The following TRMT11 variants were observed in gnomAD, a reference collection of about 807,000 sequenced individuals.
TRMT11 encodes tRNA methyltransferase 11, also known as tRNA (guanine(10)-N(2))-methyltransferase TRMT11.
TRMT11 carries 53 observed loss-of-function variants against 62.8 expected under a neutral mutation model. The ratio of observed to expected loss-of-function variants is 0.84; its 90% CI spans 0.68 to 1.06. The LOEUF is 1.06. Ranked by LOEUF, TRMT11 falls within the 50% of genes least tolerant of loss-of-function variation. The pLI is 0.00. For synonymous variants in TRMT11, 188 were observed against 190.3 expected (o/e 0.99, Z 0.10); for missense variants, 556 against 553.4 (o/e 1.00, Z -0.05).
the TRMT11 span, among the ~76,000 whole-genome samples, chr6:126,252,426 T>C: frequency 1.3e-5 from 2 of 152,180 alleles, no homozygotes; most frequent in African/African-American, 4.8e-5. Context: ...GTTCTCTGAG[T>C]CCAAAGTGGA....
Position 126,150,394 on chromosome 6 carries a change from A to C in TRMT11, c.*1824-24431A>C, listed in dbSNP as rs564219079. Among the ~76,000 whole-genome samples the C allele has an allele frequency of 3.3e-5, 5 of 152,342 alleles. No homozygotes were observed. The South Asian group carries it at 1.0e-3, about 32-fold the overall frequency. On this transcript the variant is annotated intron_variant and NMD_transcript_variant, in intron 21 of 22. Coordinates refer to the TRMT11 transcript ENST00000648977. ...TTTCAGGGATTCTGTTATAAACAATAGAAAATGAACCAAGACACAAAGCAA... is the reference window on the plus strand; with the variant it reads ...TTTCAGGGATTCTGTTATAAACAATCGAAAATGAACCAAGACACAAAGCAA...
At chr6:126,238,654 G>A in the TRMT11 span, among the ~76,000 whole-genome samples, 2 of 152,232 alleles carry the variant, frequency 1.3e-5, no homozygotes, top group East Asian at 1.9e-4. Context: ...TTTGGAATAA[G>A]TGTGGTGTGG....
chr6:126,151,448 C>A (rs1778036184), intron 21 of TRMT11, among the ~76,000 whole-genome samples: 1 of 151,888 alleles, frequency 6.6e-6, no homozygotes, highest in Non-Finnish European at 1.5e-5. Flanking sequence ...TCTCTTTCTC[C>A]CAAGGAACTC....
chr6:126,145,675 G>A (rs940116185), intron 21 of TRMT11, among the ~76,000 whole-genome samples: 1 of 152,080 alleles, frequency 6.6e-6, no homozygotes, highest in Non-Finnish European at 1.5e-5. Flanking sequence ...TTCAGCAGCC[G>A]TTTCAGGGTT....
chr6:126,219,474 A>G, the TRMT11 span, among the ~76,000 whole-genome samples: 484 of 152,344 alleles, frequency 3.2e-3, 1 homozygote, highest in African/African-American at 9.6e-3. Flanking sequence ...ATCAGACTGC[A>G]CAGATTTAAG....
chr6:126,094,279 A>C (rs1777316183), intron 17 of TRMT11, among the ~76,000 whole-genome samples: 1 of 152,228 alleles, frequency 6.6e-6, no homozygotes, highest in Non-Finnish European at 1.5e-5. Context: ...TAAATCCTGC[A>C]TGGAGCTAAG....
At chr6:126,002,972 C>G (rs1022906854) in intron 7 of TRMT11, among the ~76,000 whole-genome samples, 1 of 152,208 alleles carries the variant, frequency 6.6e-6, no homozygotes, top group Middle Eastern at 3.4e-3. Flanking sequence ...CTGGAAATCA[C>G]TTCCTGTCAG....
chr6:126,028,243 G>A (rs1773553736), intron 12 of TRMT11, among the ~76,000 whole-genome samples: 1 of 152,058 alleles, frequency 6.6e-6, no homozygotes, highest in Non-Finnish European at 1.5e-5. Flanking sequence ...TAGATATGAA[G>A]CATTTAAAAC....
chr6:126,098,213 G>A (rs1777360951), intron 17 of TRMT11, among the ~76,000 whole-genome samples: 1 of 152,064 alleles, frequency 6.6e-6, no homozygotes, highest in South Asian at 2.1e-4. Context: ...CTGATCTCCT[G>A]ATGTGTTTGC....
chr6:126,151,944 T>TTTCTTTCTTTC (rs368793532), intron 21 of TRMT11, among the ~76,000 whole-genome samples: 50 of 10,742 alleles, frequency 4.7e-3, no homozygotes, highest in South Asian at 6.4e-3. Context: ...TCTTTCTTTC[T>TTTCTTTCTTTC]TTTCTTTCTT....
intron 21 of TRMT11, among the ~76,000 whole-genome samples, chr6:126,151,806 T>TTTTCTTTCCTTC (rs1554242201): frequency 2.3e-5 from 2 of 86,880 alleles, no homozygotes; most frequent in African/African-American, 9.6e-5. Flanking sequence ...CCTCTCTGTC[T>TTTTCTTTCCTTC]TTTCTTTCTT....
chr6:126,097,119 A>C (rs1777349415), intron 17 of TRMT11, among the ~76,000 whole-genome samples: 1 of 152,132 alleles, frequency 6.6e-6, no homozygotes, highest in Non-Finnish European at 1.5e-5. Flanking sequence ...TTTTCCCCCG[A>C]AATGTATGAT....
intron 1 of TRMT11, among the ~76,000 whole-genome samples, chr6:126,197,451 A>T (rs1162246520): frequency 6.6e-6 from 1 of 152,220 alleles, no homozygotes; most frequent in Non-Finnish European, 1.5e-5. Flanking sequence ...TAATCATATA[A>T]TAGGAACATT....
intron 1 of TRMT11, among the ~76,000 whole-genome samples, chr6:126,184,626 C>T (rs1778505877): frequency 6.6e-6 from 1 of 152,040 alleles, no homozygotes; most frequent in South Asian, 2.1e-4. Flanking sequence ...CCTTTCTCTC[C>T]CCCTGTATCT....
At chr6:126,068,274 A>G (rs1439646446) in intron 17 of TRMT11, among the ~76,000 whole-genome samples, 7 of 152,032 alleles carry the variant, frequency 4.6e-5, no homozygotes, top group Non-Finnish European at 4.4e-5. Flanking sequence ...AGAAGTTTTC[A>G]TTTTTGTGGC....
chr6:126,110,164 C>A (rs1372092637), intron 17 of TRMT11, among the ~76,000 whole-genome samples: 1 of 152,060 alleles, frequency 6.6e-6, no homozygotes, highest in Non-Finnish European at 1.5e-5. Flanking sequence ...GCAGTTGTAC[C>A]CACCTTATCT....
chr6:126,025,437 A>C lies in TRMT11; in HGVS notation c.1260+4157A>C, dbSNP rs1029785046. On this transcript the variant is annotated intron_variant, in intron 12 of 12. Transcript: ENST00000334379. The stretch of plus-strand genomic sequence containing the variant: ...TTGTTCTTTTCCAATTGATTTAAAA[A>C]AACAACAACAAGGAAAAGCCTCAAG... 8.5e-5 allele frequency among the ~76,000 whole-genome samples: 13 copies of C among 152,212 alleles called. No individual in the cohort carries two copies. The South Asian group carries it at 1.2e-3, about 15-fold the overall frequency.
intron 11 of TRMT11, among the ~76,000 whole-genome samples, chr6:126,018,106 T>C (rs929181982): frequency 3.9e-5 from 6 of 152,196 alleles, no homozygotes; most frequent in African/African-American, 1.4e-4. Context: ...AATAGCACAT[T>C]GTACCCCCCA....
intron 17 of TRMT11, among the ~76,000 whole-genome samples, chr6:126,093,449 T>C (rs1015579855): frequency 1.4e-4 from 21 of 150,024 alleles, no homozygotes; most frequent in South Asian, 2.1e-4. Flanking sequence ...GATGAGAAGT[T>C]TGGAGACAAG....
Sources: gnomAD v4.1 joint callset for allele counts (sites outside exome capture counted in the v4.1 genomes callset) on GRCh38, gnomAD v4.1.1 for gene constraint, MANE v1.5 for transcripts, NCBI Gene and HGNC (gene_info 2026-07-23, HGNC 2026-07-21) for gene names.